CNTN4: variants seen among roughly 807,000 people sequenced by gnomAD.
CNTN4 encodes contactin-4.
Under a neutral mutation model 122.5 loss-of-function variants are expected in CNTN4, and 77 were observed. The ratio of observed to expected loss-of-function variants is 0.63; its 90% CI spans 0.52 to 0.76. The LOEUF (loss-of-function observed/expected upper bound fraction) is 0.76, where lower values mean the gene tolerates loss of function less well. CNTN4 is among the 30% of genes least tolerant of loss of function. The probability of loss-of-function intolerance (pLI) is 0.00; values close to 1 mark genes in which losing one functional copy is unlikely to be tolerated. For synonymous variants in CNTN4, 512 were observed against 447.0 expected, an observed-to-expected ratio of 1.15 and a Z score of -1.83; for missense variants, 1,256 against 1,259.1, an observed-to-expected ratio of 1.00 and a Z score of 0.04.
intron 4 of CNTN4, among the ~76,000 whole-genome samples, chr3:2,591,327 C>A (rs761215029): frequency 3.4e-5 from 5 of 147,104 alleles, no homozygotes; most frequent in Non-Finnish European, 7.4e-5. Flanking sequence ...GTAGTCTGCC[C>A]TTTGAAGAAC....
Position 2,378,983 on chromosome 3 carries a change from A to G in CNTN4, c.-89+39750A>G, listed in dbSNP as rs73104010. ...AAGGTAGTTTAATCAGTCACCATCC[A>G]CACTTCAACAATTTTCCTTTTCATT... On this transcript the variant is annotated intron_variant, in intron 3 of 24. Coordinates refer to ENST00000418658, the MANE Select transcript of CNTN4 (RefSeq NM_175607.3). 2.3e-3 allele frequency among the ~76,000 whole-genome samples: 353 copies of G among 152,288 alleles called. 3 individuals are homozygous for G. Among genetic ancestry groups the G allele is most frequent in the African/African-American group, 7.8e-3 (323 of 41,572 alleles).
chr3:2,141,155 A>G (rs965673462), intron 2 of CNTN4, among the ~76,000 whole-genome samples: 2 of 152,176 alleles, frequency 1.3e-5, no homozygotes, highest in African/African-American at 4.8e-5. Flanking sequence ...GATAGGCAGA[A>G]TGCTGGCCCT....
At chr3:2,404,315 G>A (rs2046956042) in intron 3 of CNTN4, among the ~76,000 whole-genome samples, 1 of 152,124 alleles carries the variant, frequency 6.6e-6, no homozygotes, top group South Asian at 2.1e-4. Context: ...AGCTGGAGGA[G>A]AAAATTTGTT....
intron 3 of CNTN4, among the ~76,000 whole-genome samples, chr3:2,494,410 A>G (rs1280736378): frequency 6.6e-6 from 1 of 152,198 alleles, no homozygotes; most frequent in Non-Finnish European, 1.5e-5. Flanking sequence ...CAGTCCTTTG[A>G]CAGGGTTAAG....
At chr3:2,241,124 A>G (rs953068646) in intron 2 of CNTN4, among the ~76,000 whole-genome samples, 1 of 152,214 alleles carries the variant, frequency 6.6e-6, no homozygotes, top group Non-Finnish European at 1.5e-5. Context: ...AATATTTAAA[A>G]ATAAACAATT....
At chr3:2,674,747 G>T (rs1272927440) in intron 4 of CNTN4, among the ~76,000 whole-genome samples, 1 of 149,742 alleles carries the variant, frequency 6.7e-6, no homozygotes, top group East Asian at 2.0e-4. Context: ...GACAGGATGA[G>T]ACTTCGTCTC....
chr3:2,613,680 G>T (rs982857538), intron 4 of CNTN4, among the ~76,000 whole-genome samples: 1 of 152,010 alleles, frequency 6.6e-6, no homozygotes, highest in African/African-American at 2.4e-5. Flanking sequence ...TCATGAAAAA[G>T]ACAAGACTCA....
chr3:2,320,522 T>C (rs1157199477), intron 2 of CNTN4, among the ~76,000 whole-genome samples: 1 of 151,992 alleles, frequency 6.6e-6, no homozygotes, highest in African/African-American at 2.4e-5. Context: ...CCCAGGTGGA[T>C]AACTGTTCTT....
chr3:2,259,083 GT>G, intron 2 of CNTN4, among the ~76,000 whole-genome samples: 1 of 151,738 alleles, frequency 6.6e-6, no homozygotes, highest in East Asian at 1.9e-4. Flanking sequence ...TGGTTATTTA[GT>G]GATTTTTTTT....
rs17018298 is a variant in CNTN4 at position 2,665,697 on chromosome 3, A to G, written c.56-70518A>G. 5.3e-4 allele frequency among the ~76,000 whole-genome samples: 80 copies of G among 152,272 alleles called. No individual in the cohort carries two copies. The South Asian group carries it at 8.5e-3, about 16-fold the overall frequency. ...ACTCTTGGCCCTCTCAGGAGAGAAT[A>G]TAAGGGTAGATAAGGAGACTTAGGT... is the stretch of plus-strand genomic sequence containing the variant. On this transcript the variant is annotated intron_variant, in intron 4 of 24. Transcript: ENST00000418658.
chr3:2,982,492 C>T (rs755498096), intron 13 of CNTN4, among the ~76,000 whole-genome samples: 1 of 152,218 alleles, frequency 6.6e-6, no homozygotes, highest in Non-Finnish European at 1.5e-5. Flanking sequence ...CTTTCTCTCT[C>T]TCTTTCTCTT....
chr3:2,156,542 A>G (rs1249741526), intron 2 of CNTN4, among the ~76,000 whole-genome samples: 1 of 152,196 alleles, frequency 6.6e-6, no homozygotes, highest in Non-Finnish European at 1.5e-5. Context: ...GGACATCAAG[A>G]GATAAATCGG....
chr3:2,515,863 A>G (rs780796111), intron 3 of CNTN4, among the ~76,000 whole-genome samples: 1 of 152,050 alleles, frequency 6.6e-6, no homozygotes, highest in Non-Finnish European at 1.5e-5. Context: ...AATAGATGGA[A>G]TGGCACAAAA....
At chr3:2,795,157 T>G (rs796658193) in intron 6 of CNTN4, among the ~76,000 whole-genome samples, 2 of 152,236 alleles carry the variant, frequency 1.3e-5, no homozygotes, top group South Asian at 4.1e-4. Flanking sequence ...TCAAACCCAC[T>G]GGAATATTTA....
intron 14 of CNTN4, among the ~76,000 whole-genome samples, chr3:2,992,799 T>G (rs1281557893): frequency 6.6e-6 from 1 of 152,170 alleles, no homozygotes; most frequent in Non-Finnish European, 1.5e-5. Context: ...TTGCAACTGG[T>G]GGTTCCAGAC....
At chr3:2,311,001 CTTTTTTA>C (rs1199266237) in intron 2 of CNTN4, among the ~76,000 whole-genome samples, 2 of 151,978 alleles carry the variant, frequency 1.3e-5, no homozygotes, top group Non-Finnish European at 2.9e-5. Context: ...GTTTTCCAGA[CTTTTTTA>C]TTTTTTAAGA....
At chr3:2,473,106 C>T (rs1345547599) in intron 3 of CNTN4, among the ~76,000 whole-genome samples, 1 of 151,894 alleles carries the variant, frequency 6.6e-6, no homozygotes, top group Non-Finnish European at 1.5e-5. Context: ...TGGTGGACAC[C>T]TGTAATCCCA....
chr3:2,403,497 C>T (rs1575560419), intron 3 of CNTN4, among the ~76,000 whole-genome samples: 1 of 152,234 alleles, frequency 6.6e-6, no homozygotes, highest in East Asian at 1.9e-4. Context: ...TAAATCTCAA[C>T]CTACTTTCTA....
chr3:2,899,397 T>G (rs534170157), intron 10 of CNTN4, among the ~76,000 whole-genome samples: 14 of 152,316 alleles, frequency 9.2e-5, no homozygotes, highest in African/African-American at 3.4e-4. Flanking sequence ...CAACTTTGAT[T>G]ATTAGGTTTA....
Sources: allele counts gnomAD v4.1 joint callset (sites outside exome capture counted in the v4.1 genomes callset), GRCh38; gene constraint gnomAD v4.1.1; transcripts MANE v1.5; gene names NCBI Gene and HGNC (gene_info 2026-07-23, HGNC 2026-07-21).